The following SSU72 variants were observed in gnomAD, a reference collection of about 807,000 sequenced individuals.
SSU72 encodes the protein RNA polymerase II subunit A C-terminal domain phosphatase SSU72.
In SSU72, 12 loss-of-function variants were observed where a neutral mutation model predicts 22.7. The observed-to-expected ratio is 0.53, with a 90% CI of 0.34 to 0.86. The LOEUF (loss-of-function observed/expected upper bound fraction) is 0.86. Among genes scored for constraint, SSU72 ranks in the 40% least tolerant of loss-of-function variants. SSU72 has a pLI of 0.02. For synonymous variants in SSU72, 116 were observed against 98.3 expected, an observed-to-expected ratio of 1.18 and a Z score of -1.06; for missense variants, 151 against 249.8, an observed-to-expected ratio of 0.60 and a Z score of 2.67.
rs1044534148 is a variant in SSU72 at position 1,542,441 on chromosome 1, C to A, written c.484-274G>T. Among the ~76,000 whole-genome samples, 1 of 152,158 alleles carries A rather than the reference C, an allele frequency of 6.6e-6. No individual in the cohort carries two copies. Among genetic ancestry groups the A allele is most frequent in the Non-Finnish European group, 1.5e-5 (1 of 68,024 alleles). On this transcript the variant is annotated intron_variant, in intron 4 of 4. Transcript: ENST00000291386. This position sits in a 1 kb window ranked among gnomAD's most constrained non-coding sequence, Gnocchi z 4.4. ...GCTGGATTCTGAGAGGGGCCCAGCA[C>A]GGAGACCTGGCGGCCAGGGCTCAGA... is the stretch of plus-strand genomic sequence containing the variant.
intron 2 of SSU72, among the ~76,000 whole-genome samples, chr1:1,556,369 T>C (rs933193371): frequency 2.0e-5 from 3 of 152,012 alleles, no homozygotes; most frequent in Admixed American, 6.6e-5. Context: ...GTGAAACCCA[T>C]GTCTACTAAA....
intron 1 of SSU72, among the ~76,000 whole-genome samples, chr1:1,572,768 T>C (rs1025241872): frequency 6.0e-5 from 9 of 150,432 alleles, no homozygotes; most frequent in African/African-American, 2.2e-4. Flanking sequence ...ACTCCATCTT[T>C]GTTATGCAGG....
At chr1:1,572,228 C>A (rs1291072871) in intron 1 of SSU72, among the ~76,000 whole-genome samples, 5 of 146,742 alleles carry the variant, frequency 3.4e-5, no homozygotes, top group Non-Finnish European at 7.5e-5. Context: ...GAGATCGAGA[C>A]CATCCTGGCT....
chr1:1,574,205 GA>G, intron 1 of SSU72, among the ~76,000 whole-genome samples: 1 of 152,266 alleles, frequency 6.6e-6, no homozygotes, highest in Non-Finnish European at 1.5e-5. Context: ...CCTCGCCGCG[GA>G]CGCTACCCTC....
chr1:1,550,348 T>G (rs949886751), intron 2 of SSU72, among the ~76,000 whole-genome samples: 1 of 152,200 alleles, frequency 6.6e-6, no homozygotes, highest in Non-Finnish European at 1.5e-5. Flanking sequence ...AACGTGTTAT[T>G]CTGAATGTCT....
At chr1:1,544,635 A>G in intron 3 of SSU72, 1 of 595,770 alleles carries the variant, frequency 1.7e-6, no homozygotes, top group East Asian at 2.9e-5. Flanking sequence ...AAACAAAAAA[A>G]CACCAAGGAG....
chr1:1,558,874 C>G (rs904778342), intron 2 of SSU72, among the ~76,000 whole-genome samples: 6 of 152,188 alleles, frequency 3.9e-5, no homozygotes, highest in African/African-American at 1.4e-4. Flanking sequence ...TGGCCATTCA[C>G]TAACTTAGAA....
intron 2 of SSU72, among the ~76,000 whole-genome samples, chr1:1,547,650 G>A (rs1227408009): frequency 6.6e-6 from 1 of 152,244 alleles, no homozygotes; most frequent in Non-Finnish European, 1.5e-5. Context: ...AGTGCCACGA[G>A]GCAAAGGCTC....
chr1:1,556,887 A>G lies in SSU72; in HGVS notation c.224+7886T>C, dbSNP rs1926883. ...CAGCTGCATTCTGTCCAGACCCTCA[A>G]ATGACCACCAGCAACTACCTCAGCC... On this transcript the variant is annotated intron_variant, in intron 2 of 4. Coordinates refer to ENST00000291386, the MANE Select transcript of SSU72 (RefSeq NM_014188.3). Among the ~76,000 whole-genome samples, 374 of 152,302 alleles carry G rather than the reference A, an allele frequency of 2.5e-3. 13 individuals carry two copies. The East Asian group carries it at 0.068, about 28-fold the overall frequency.
intron 4 of SSU72, 37 bp downstream of exon 4, chr1:1,543,832 A>C (rs769678691): frequency 6.3e-5 from 98 of 1,546,068 alleles, no homozygotes; most frequent in Admixed American, 6.7e-5. Context: ...CCTCTGTCAC[A>C]ACCTCTGCCC....
At chr1:1,574,107 G>C (rs1319744689) in intron 1 of SSU72, among the ~76,000 whole-genome samples, 1 of 152,002 alleles carries the variant, frequency 6.6e-6, no homozygotes, top group African/African-American at 2.4e-5. Flanking sequence ...CAACATCGTG[G>C]TATGCCGTGA....
At chr1:1,571,244 C>CCAA (rs1642727401) in intron 1 of SSU72, among the ~76,000 whole-genome samples, 2 of 46,864 alleles carry the variant, frequency 4.3e-5, no homozygotes, top group Non-Finnish European at 9.0e-5. Flanking sequence ...GACTCCATCT[C>CCAA]AAAAAAAAAA....
chr1:1,555,256 C>T (rs974832983), intron 2 of SSU72, among the ~76,000 whole-genome samples: 2 of 152,178 alleles, frequency 1.3e-5, no homozygotes, highest in Non-Finnish European at 2.9e-5. Flanking sequence ...CTCAAAGCAC[C>T]GACACAGGAG....
chr1:1,573,453 AAAAG>A (rs1557508801), intron 1 of SSU72, among the ~76,000 whole-genome samples: 1 of 149,754 alleles, frequency 6.7e-6, no homozygotes, highest in Non-Finnish European at 1.5e-5. Flanking sequence ...AAAAAAAAAA[AAAAG>A]AAAGAAAAGA....
At chr1:1,562,064 T>C (rs535256462) in intron 2 of SSU72, 2 of 152,348 alleles carry the variant, frequency 1.3e-5, no homozygotes, top group African/African-American at 4.8e-5. Flanking sequence ...AGCTCCTTCT[T>C]TTAGAATGAC....
chr1:1,550,713 G>T (rs1642446345), intron 2 of SSU72, among the ~76,000 whole-genome samples: 2 of 152,212 alleles, frequency 1.3e-5, no homozygotes, highest in African/African-American at 4.8e-5. Flanking sequence ...ATGGAGGGAG[G>T]GCGGAGGTTT....
chr1:1,546,860 CAAAAAAAAAAAAAAA>C (rs1169308811), intron 2 of SSU72, among the ~76,000 whole-genome samples: 1 of 75,152 alleles, frequency 1.3e-5, no homozygotes, highest in Non-Finnish European at 2.7e-5. Flanking sequence ...ACAACAACAA[CAAAAAAAAAAAAAAA>C]AAAAAAAAAG....
In SSU72 at chr1:1,543,994, G is replaced by A. The variant is rs1257123087; in HGVS notation, c.365-7C>T. 2 of 1,606,176 alleles carry A rather than the reference G, an allele frequency of 1.2e-6. No individual in the cohort carries two copies. The highest frequency in any genetic ancestry group is 1.7e-6 in the Non-Finnish European group (2 of 1,173,812). On this transcript the variant is annotated splice_polypyrimidine_tract_variant and splice_region_variant and intron_variant, in intron 3 of 4. Transcript: ENST00000291386. Reference sequence around the variant, plus strand: ...TGTTCTCTGGAATTCAGATCTGATTGGGACAAGGTGACACAGACGTCAGAG... The same window carrying A: ...TGTTCTCTGGAATTCAGATCTGATTAGGACAAGGTGACACAGACGTCAGAG...
chr1:1,555,255 CCGA>C (rs1302569165), intron 2 of SSU72, among the ~76,000 whole-genome samples: 1 of 152,196 alleles, frequency 6.6e-6, no homozygotes, highest in African/African-American at 2.4e-5. Context: ...ACTCAAAGCA[CCGA>C]CACAGGAGGC....
Sources: allele counts gnomAD v4.1 joint callset (sites outside exome capture counted in the v4.1 genomes callset), GRCh38; gene constraint gnomAD v4.1.1; non-coding constraint Gnocchi (gnomAD v3.1); transcripts MANE v1.5; gene names NCBI Gene and HGNC (gene_info 2026-07-23, HGNC 2026-07-21).